The following ARHGAP22 variants were observed in gnomAD, a reference collection of about 807,000 sequenced individuals.
ARHGAP22 encodes the protein rho GTPase-activating protein 22.
In ARHGAP22, 48 loss-of-function variants were observed where a neutral mutation model predicts 59.1. That is an observed-to-expected ratio of 0.81 (90% CI 0.64 to 1.03). The LOEUF is 1.03. Ranked by LOEUF, ARHGAP22 falls within the 50% of genes least tolerant of loss-of-function variation. The pLI is 0.00. For missense variants in ARHGAP22, 1,015 were observed against 958.7 expected, an observed-to-expected ratio of 1.06 and a Z score of -0.78; for synonymous variants, 445 against 416.4, an observed-to-expected ratio of 1.07 and a Z score of -0.84.
chr10:48,647,343 A>C lies in ARHGAP22; in HGVS notation c.52+4891T>G, dbSNP rs535622625. On this transcript the variant is annotated intron_variant, in intron 1 of 9. Transcript: ENST00000435790. Reference sequence around the variant, plus strand: ...GGGAGGCAGAGGTTGCAATGAGCCGAGATCACGCCATTGCACTCCAGTCTG... The same window carrying C: ...GGGAGGCAGAGGTTGCAATGAGCCGCGATCACGCCATTGCACTCCAGTCTG... Among the ~76,000 whole-genome samples the C allele has an allele frequency of 2.6e-5, 4 of 152,320 alleles. No individual in the cohort carries two copies. In the South Asian group the frequency reaches 8.3e-4, roughly 32 times the overall value.
At chr10:48,439,505 A>G in the ARHGAP22 span, 3 of 151,820 alleles carry the variant, frequency 2.0e-5, no homozygotes, top group African/African-American at 7.3e-5. Context: ...TAAAGAGCCT[A>G]AATGATCACG....
upstream of ARHGAP22, among the ~76,000 whole-genome samples, chr10:48,608,809 A>G (rs1225444547): frequency 6.6e-6 from 1 of 152,246 alleles, no homozygotes; most frequent in Admixed American, 6.5e-5. Flanking sequence ...TAGCAAGAAC[A>G]TCATTAGAAA....
At position 48,603,334 on chromosome 10, in the gene ARHGAP22, G is replaced by T. The variant is rs564740632; in HGVS notation, c.34+1429C>A. ...AAAAAATATAATATGAGTCACATAT[G>T]TACTTGTAAATGTTCTAGTAGCTAT... On this transcript the variant is annotated intron_variant, in intron 1 of 9. Transcript: ENST00000249601. Among the ~76,000 whole-genome samples, 222 of 152,318 alleles carry T rather than the reference G, an allele frequency of 1.5e-3. 1 individual carries two copies. The highest frequency in any genetic ancestry group is 5.3e-3 in the African/African-American group (219 of 41,552).
At chr10:48,611,212 G>A (rs2060870697) in intron 1 of ARHGAP22, among the ~76,000 whole-genome samples, 1 of 152,214 alleles carries the variant, frequency 6.6e-6, no homozygotes, top group African/African-American at 2.4e-5. Context: ...TGAGTGCTGG[G>A]TTCTCACAGG....
At chr10:48,625,705 C>G (rs866734473) in intron 1 of ARHGAP22, among the ~76,000 whole-genome samples, 1 of 148,764 alleles carries the variant, frequency 6.7e-6, no homozygotes, top group South Asian at 2.2e-4. Flanking sequence ...CACACACACA[C>G]ACACACACAC....
intron 1 of ARHGAP22, among the ~76,000 whole-genome samples, chr10:48,648,686 G>A (rs896110906): frequency 3.3e-5 from 5 of 152,302 alleles, no homozygotes; most frequent in South Asian, 2.1e-4. Flanking sequence ...AGCTGTCCTG[G>A]GGGGAAAATG....
At chr10:48,466,502 C>G (rs2047704071) in intron 4 of ARHGAP22, 1 of 151,118 alleles carries the variant, frequency 6.6e-6, no homozygotes, top group South Asian at 2.1e-4. Context: ...GTCCCAGCTT[C>G]GAGCGCCTCT....
chr10:48,625,355 G>A (rs187992755), intron 1 of ARHGAP22, among the ~76,000 whole-genome samples: 7 of 152,022 alleles, frequency 4.6e-5, no homozygotes, highest in Admixed American at 6.5e-5. Context: ...AGATGTGATC[G>A]TGACCCCCTT....
chr10:48,497,428 A>C (rs2051052362), intron 3 of ARHGAP22, among the ~76,000 whole-genome samples: 1 of 152,208 alleles, frequency 6.6e-6, no homozygotes, highest in African/African-American at 2.4e-5. Context: ...CTATGTTTCC[A>C]GAAAGTGTTT....
intron 1 of ARHGAP22, among the ~76,000 whole-genome samples, chr10:48,632,409 TA>T (rs2061658989): frequency 6.6e-6 from 1 of 152,172 alleles, no homozygotes; most frequent in African/African-American, 2.4e-5. Context: ...CTATTCAACA[TA>T]TTTTTTTTTC....
At chr10:48,651,497 T>G (rs1162946894) in intron 1 of ARHGAP22, among the ~76,000 whole-genome samples, 1 of 134,110 alleles carries the variant, frequency 7.5e-6, no homozygotes, top group Non-Finnish European at 1.6e-5. Context: ...GCTCACCCAG[T>G]CAGCACCTGC....
chr10:48,620,199 T>C (rs894565093), intron 1 of ARHGAP22, among the ~76,000 whole-genome samples: 1 of 152,118 alleles, frequency 6.6e-6, no homozygotes, highest in African/African-American at 2.4e-5. Flanking sequence ...GTTTATTGGG[T>C]TGGAGCACAG....
chr10:48,589,374 C>T (rs2059619711), intron 1 of ARHGAP22, among the ~76,000 whole-genome samples: 1 of 152,170 alleles, frequency 6.6e-6, no homozygotes, highest in Non-Finnish European at 1.5e-5. Context: ...CTCCCAAATC[C>T]TGCTGTTGCC....
At chr10:48,522,121 C>T (rs2079590756) in intron 3 of ARHGAP22, among the ~76,000 whole-genome samples, 1 of 152,246 alleles carries the variant, frequency 6.6e-6, no homozygotes, top group African/African-American at 2.4e-5. Context: ...ATCTGTCTTC[C>T]TTGAACCTCA....
At chr10:48,634,134 C>T (rs17010995) in intron 1 of ARHGAP22, among the ~76,000 whole-genome samples, 5,643 of 152,252 alleles carry the variant, frequency 0.037, 147 homozygotes, top group Non-Finnish European at 0.06. Context: ...TGAATGGGTA[C>T]TTTCAGATTT....
At chr10:48,448,730 C>G (rs1169214350) in intron 9 of ARHGAP22, among the ~76,000 whole-genome samples, 1 of 152,170 alleles carries the variant, frequency 6.6e-6, no homozygotes, top group African/African-American at 2.4e-5. Context: ...TAGACCCTCC[C>G]TCTAACCAAG....
At chr10:48,572,263 T>TC (rs1179998947) in intron 2 of ARHGAP22, among the ~76,000 whole-genome samples, 1 of 152,252 alleles carries the variant, frequency 6.6e-6, no homozygotes, top group African/African-American at 2.4e-5. Context: ...TTTTTCTTTT[T>TC]CTCTAGCAGT....
At chr10:48,476,589 A>G (rs2048769903) in intron 4 of ARHGAP22, among the ~76,000 whole-genome samples, 1 of 152,160 alleles carries the variant, frequency 6.6e-6, no homozygotes, top group Non-Finnish European at 1.5e-5. Flanking sequence ...CTAACTCCTG[A>G]GATTTCTGCA....
intron 3 of ARHGAP22, among the ~76,000 whole-genome samples, chr10:48,480,506 C>A (rs917559609): frequency 1.3e-5 from 2 of 152,196 alleles, no homozygotes; most frequent in African/African-American, 4.8e-5. Flanking sequence ...CATCCTACCC[C>A]CCGACATCCC....
Sources: gnomAD v4.1 joint callset for allele counts (sites outside exome capture counted in the v4.1 genomes callset) on GRCh38, gnomAD v4.1.1 for gene constraint, MANE v1.5 for transcripts, NCBI Gene and HGNC (gene_info 2026-07-23, HGNC 2026-07-21) for gene names.